SUCLA2: variants seen among roughly 807,000 people sequenced by gnomAD.
SUCLA2 encodes the protein succinate-CoA ligase ADP-forming subunit beta.
In SUCLA2, 30 loss-of-function variants were observed where a neutral mutation model predicts 54.8. The ratio of observed to expected loss-of-function variants is 0.55; its 90% CI spans 0.41 to 0.74. The LOEUF (loss-of-function observed/expected upper bound fraction) is 0.74. Among genes scored for constraint, SUCLA2 ranks in the 30% least tolerant of loss-of-function variants. The pLI is 0.00. For missense variants in SUCLA2, 476 were observed against 562.9 expected (o/e 0.85, Z 1.56); for synonymous variants, 172 against 188.9 (o/e 0.91, Z 0.74).
intron 4 of SUCLA2, among the ~76,000 whole-genome samples, chr13:47,980,782 A>G (rs1950055295): frequency 6.6e-6 from 1 of 152,186 alleles, no homozygotes; most frequent in African/African-American, 2.4e-5. Flanking sequence ...CCCAGAAATA[A>G]TCCCTAAGGT....
chr13:47,943,532 C>G, intron 10 of SUCLA2, 87 bp from the exon 11 acceptor site: 1 of 1,165,902 alleles, frequency 8.6e-7, no homozygotes. Flanking sequence ...CAATTTTTTC[C>G]ATTTAAAACA....
At chr13:47,944,587 A>G (rs1451330478) in intron 10 of SUCLA2, among the ~76,000 whole-genome samples, 1 of 151,966 alleles carries the variant, frequency 6.6e-6, no homozygotes, top group African/African-American at 2.4e-5. Flanking sequence ...CACTAGATGG[A>G]CTCCTACTAT....
At chr13:47,994,959 T>C (rs1220398961) in intron 2 of SUCLA2, 7 of 627,774 alleles carry the variant, frequency 1.1e-5, no homozygotes, top group Non-Finnish European at 1.4e-5. Flanking sequence ...ATTAATCCTA[T>C]TCATTTTATG....
chr13:47,957,563 A>T (rs543258025), intron 6 of SUCLA2, among the ~76,000 whole-genome samples: 16 of 152,142 alleles, frequency 1.1e-4, no homozygotes, highest in Non-Finnish European at 1.9e-4. Flanking sequence ...GAAACTTGAC[A>T]TTGCATCGAT....
chr13:47,955,665 C>T (rs766330058), intron 6 of SUCLA2, among the ~76,000 whole-genome samples: 2 of 140,156 alleles, frequency 1.4e-5, no homozygotes, highest in Non-Finnish European at 2.9e-5. Flanking sequence ...ATGCCAACCC[C>T]TGTGCTTAAA....
chr13:47,991,545 A>G (rs983855948), intron 2 of SUCLA2: 1 of 152,224 alleles, frequency 6.6e-6, no homozygotes, highest in South Asian at 2.1e-4. Context: ...ATCTTCGTAC[A>G]TATGTAATTC....
At chr13:48,001,006 G>C (rs1443411159) in intron 1 of SUCLA2, 174 bp downstream of exon 1, 1 of 1,455,492 alleles carries the variant, frequency 6.9e-7, no homozygotes, top group Admixed American at 2.4e-5. Context: ...GCAAACATGG[G>C]CTCGCTCGTA....
chr13:47,978,334 C>T (rs770139937), intron 4 of SUCLA2, among the ~76,000 whole-genome samples: 23 of 152,172 alleles, frequency 1.5e-4, no homozygotes, highest in Non-Finnish European at 2.8e-4. Flanking sequence ...ACCAGTGGAA[C>T]AGAACAGAGG....
At chr13:47,957,340 C>T (rs1318303103) in intron 6 of SUCLA2, among the ~76,000 whole-genome samples, 1 of 152,134 alleles carries the variant, frequency 6.6e-6, no homozygotes, top group Non-Finnish European at 1.5e-5. Flanking sequence ...AGCAGCAGGA[C>T]CTAGACCAAA....
Position 47,973,728 on chromosome 13 carries a change from G to A in SUCLA2, c.535-336C>T, listed in dbSNP as rs531736606. Among the ~76,000 whole-genome samples the A allele has an allele frequency of 3.9e-5, 6 of 152,158 alleles. No homozygotes were observed. The South Asian group carries it at 1.0e-3, about 26-fold the overall frequency. Reference sequence around the variant, plus strand: ...ATGATACACTGGATAAAGAAAATGCGGCACATATACCATGGAATACTATGC... The same window carrying A: ...ATGATACACTGGATAAAGAAAATGCAGCACATATACCATGGAATACTATGC... On this transcript the variant is annotated intron_variant, in intron 4 of 10. Transcript: ENST00000646932.
intron 4 of SUCLA2, 24 bp from the exon 5 acceptor site, chr13:47,973,416 A>G: frequency 6.2e-7 from 1 of 1,611,374 alleles, no homozygotes; most frequent in South Asian, 1.1e-5. Flanking sequence ...TAAACAACCA[A>G]AACTCTAGAT....
At chr13:47,984,206 T>A (rs1014341438) in intron 4 of SUCLA2, among the ~76,000 whole-genome samples, 4 of 151,982 alleles carry the variant, frequency 2.6e-5, no homozygotes, top group African/African-American at 9.7e-5. Flanking sequence ...TTTTTTTTTT[T>A]TTATTTTGAC....
chr13:47,943,890 T>G (rs1294262157), intron 10 of SUCLA2, among the ~76,000 whole-genome samples: 1 of 151,914 alleles, frequency 6.6e-6, no homozygotes, highest in African/African-American at 2.4e-5. Context: ...TATACAATCT[T>G]AACTTAAAAT....
chr13:47,943,992 T>C (rs1409839649), intron 10 of SUCLA2, among the ~76,000 whole-genome samples: 1 of 152,044 alleles, frequency 6.6e-6, no homozygotes, highest in Non-Finnish European at 1.5e-5. Context: ...CTCTCTACAA[T>C]CTGTCTAAAA....
chr13:47,962,199 A>C (rs1184010598), intron 6 of SUCLA2, among the ~76,000 whole-genome samples: 1 of 152,168 alleles, frequency 6.6e-6, no homozygotes, highest in Non-Finnish European at 1.5e-5. Context: ...CTTGATATAT[A>C]CTTTAAGTGT....
intron 6 of SUCLA2, among the ~76,000 whole-genome samples, chr13:47,955,641 A>G (rs1949814749): frequency 3.3e-5 from 5 of 151,850 alleles, no homozygotes; most frequent in Admixed American, 3.3e-4. Flanking sequence ...CATAAAGCCT[A>G]AAATACTTAT....
rs546167932 is a variant in SUCLA2 at position 47,959,320 on chromosome 13, G to A, written c.803-4763C>T. Among the ~76,000 whole-genome samples, 211 of 151,472 alleles carry A rather than the reference G, an allele frequency of 1.4e-3. 3 individuals carry two copies. The South Asian group carries it at 0.015, about 10-fold the overall frequency. On this transcript the variant is annotated intron_variant, in intron 6 of 10. Coordinates refer to ENST00000646932, the MANE Select transcript of SUCLA2 (RefSeq NM_003850.3). The stretch of plus-strand genomic sequence containing the variant: ...TATGATGATCATGTATTTTTGGTAA[G>A]GAAGGTTATAAAGATAATAATTTTG...
chr13:47,986,077 C>T (rs1332880438), intron 4 of SUCLA2, among the ~76,000 whole-genome samples: 3 of 137,736 alleles, frequency 2.2e-5, no homozygotes, highest in East Asian at 2.3e-4. Flanking sequence ...GTCGCCCAGA[C>T]GGGAGTGCAG....
intron 4 of SUCLA2, chr13:47,987,956 T>C (rs1241346569): frequency 1.3e-5 from 2 of 152,180 alleles, no homozygotes; most frequent in Non-Finnish European, 2.9e-5. Context: ...AGGGATTTTC[T>C]CTTCACCAGA....
Sources: gnomAD v4.1 joint callset for allele counts (sites outside exome capture counted in the v4.1 genomes callset) on GRCh38, gnomAD v4.1.1 for gene constraint, MANE v1.5 for transcripts, NCBI Gene and HGNC (gene_info 2026-07-23, HGNC 2026-07-21) for gene names.